Variants in TMEM132D observed in about 807,000 individuals in gnomAD.
TMEM132D encodes the protein mature OL transmembrane protein.
In TMEM132D, 21 loss-of-function variants were observed where a neutral mutation model predicts 62.3. The observed-to-expected ratio is 0.34, with a 90% CI of 0.24 to 0.49. The LOEUF (loss-of-function observed/expected upper bound fraction) is 0.49. TMEM132D is among the 20% of genes least tolerant of loss of function. TMEM132D has a pLI of 0.99. For missense variants in TMEM132D, 1,346 were observed against 1,402.8 expected, an observed-to-expected ratio of 0.96 and a Z score of 0.65; for synonymous variants, 621 against 575.6, an observed-to-expected ratio of 1.08 and a Z score of -1.13.
chr12:129,742,860 G>A (rs1869652638), intron 1 of TMEM132D, among the ~76,000 whole-genome samples: 1 of 152,218 alleles, frequency 6.6e-6, no homozygotes, highest in Admixed American at 6.5e-5. Flanking sequence ...GCACTGGAAT[G>A]CAAGAATTTC....
In TMEM132D at chr12:129,337,666, T is replaced by C. The variant is rs1869336936; in HGVS notation, c.1267A>G (p.Lys423Glu). Residue 423 changes from lysine (K) to glutamate (E), a missense_variant, in exon 4 of 9, where the codon AAG (lysine) becomes GAG (glutamate). Coordinates refer to ENST00000422113, the MANE Select transcript of TMEM132D (RefSeq NM_133448.3). ...LGVSKIYVSP[K>E]DLIGVVPLAM... ...AGCGGCACAACTCCAATCAAGTCCT[T>C]TGGGCTCACATAGATCTTGGACACT... The C allele has an allele frequency of 6.2e-7, 1 of 1,613,958 alleles. No individual in the cohort carries two copies. Among genetic ancestry groups the C allele is most frequent in the African/African-American group, 1.3e-5 (1 of 74,924 alleles).
At position 129,582,302 on chromosome 12, in the gene TMEM132D, T is replaced by C. The variant is rs141743069; in HGVS notation, c.969-51097A>G. Among the ~76,000 whole-genome samples the C allele has an allele frequency of 7.8e-3, 1,190 of 152,346 alleles. 14 individuals carry two copies. Among genetic ancestry groups the C allele is most frequent in the African/African-American group, 0.026 (1,078 of 41,580 alleles). On this transcript the variant is annotated intron_variant, in intron 2 of 8. Transcript: ENST00000422113. ...TTGGGTATTTGGCTTGTTTCTGTTT[T>C]AATCAGCCATGCTGCAGTGGAACTC...
intron 2 of TMEM132D, among the ~76,000 whole-genome samples, chr12:129,684,177 C>T (rs1359378260): frequency 1.3e-5 from 2 of 152,116 alleles, no homozygotes; most frequent in South Asian, 2.1e-4. Flanking sequence ...TCTGTGTCCC[C>T]ACCCAAATCT....
At chr12:129,226,878 A>G (rs558979788) in intron 4 of TMEM132D, among the ~76,000 whole-genome samples, 14 of 152,258 alleles carry the variant, frequency 9.2e-5, no homozygotes, top group Middle Eastern at 6.8e-3. Context: ...GTCACCCCAC[A>G]ACCCCTGCTG....
At chr12:129,626,864 A>G (rs1439078579) in intron 2 of TMEM132D, among the ~76,000 whole-genome samples, 2 of 152,186 alleles carry the variant, frequency 1.3e-5, no homozygotes, top group Admixed American at 6.5e-5. Context: ...TTCTGGAACT[A>G]AAAGAGCAGT....
At chr12:129,194,290 T>C (rs1438706318) in intron 5 of TMEM132D, among the ~76,000 whole-genome samples, 2 of 152,258 alleles carry the variant, frequency 1.3e-5, no homozygotes, top group Admixed American at 6.5e-5. Flanking sequence ...ATTCTCACCA[T>C]AGGTTTACTC....
intron 1 of TMEM132D, among the ~76,000 whole-genome samples, chr12:129,770,343 C>A (rs776651741): frequency 6.6e-6 from 1 of 151,970 alleles, no homozygotes; most frequent in African/African-American, 2.4e-5. Context: ...TGGGTTTCAC[C>A]GTGTTGGCCA....
intron 2 of TMEM132D, among the ~76,000 whole-genome samples, chr12:129,697,926 A>G (rs7135928): frequency 0.54 from 81,159 of 150,990 alleles, 22,323 homozygotes; most frequent in East Asian, 0.67. Flanking sequence ...CACACACACA[A>G]GCTGCATGTG....
chr12:129,610,403 C>T (rs1368809777), intron 2 of TMEM132D, among the ~76,000 whole-genome samples: 1 of 152,160 alleles, frequency 6.6e-6, no homozygotes, highest in Non-Finnish European at 1.5e-5. Flanking sequence ...CCCTAAATAG[C>T]TTCAACAACT....
chr12:129,104,769 G>A (rs1875432704), intron 5 of TMEM132D, among the ~76,000 whole-genome samples: 2 of 149,980 alleles, frequency 1.3e-5, no homozygotes, highest in Admixed American at 1.3e-4. Flanking sequence ...AGACATTTAT[G>A]CAGCCAAAAA....
At chr12:129,493,848 A>C (rs1874870211) in intron 3 of TMEM132D, among the ~76,000 whole-genome samples, 1 of 152,232 alleles carries the variant, frequency 6.6e-6, no homozygotes, top group Admixed American at 6.5e-5. Flanking sequence ...TTGGGGATCT[A>C]TAAATAATCC....
intron 5 of TMEM132D, among the ~76,000 whole-genome samples, chr12:129,114,608 T>C (rs1875835091): frequency 6.6e-6 from 1 of 152,216 alleles, no homozygotes; most frequent in African/African-American, 2.4e-5. Context: ...ACTTACTTCA[T>C]GCAGACCCAC....
At chr12:129,269,723 C>T (rs1593317819) in intron 4 of TMEM132D, among the ~76,000 whole-genome samples, 1 of 152,266 alleles carries the variant, frequency 6.6e-6, no homozygotes, top group East Asian at 1.9e-4. Context: ...TGCTTTGTTC[C>T]TGCCTGTTCC....
At chr12:129,552,490 A>C (rs1876927301) in intron 2 of TMEM132D, among the ~76,000 whole-genome samples, 1 of 151,626 alleles carries the variant, frequency 6.6e-6, no homozygotes, top group Non-Finnish European at 1.5e-5. Flanking sequence ...ATCTCTCTAC[A>C]TTATCATCTA....
chr12:129,846,957 C>T (rs1873382317), intron 1 of TMEM132D, among the ~76,000 whole-genome samples: 1 of 152,062 alleles, frequency 6.6e-6, no homozygotes, highest in Non-Finnish European at 1.5e-5. Flanking sequence ...TTCTTGTATG[C>T]CTGGGAAACT....
In TMEM132D at chr12:129,095,033, G is replaced by A. The variant is rs557232749; in HGVS notation, c.1444-10331C>T. On this transcript the variant is annotated intron_variant, in intron 5 of 8. Transcript: ENST00000422113. ...AACATCACACACCAGGGCCTGTCGT[G>A]GGGTCGGGGGAGGGGGGAAGGATAG... Among the ~76,000 whole-genome samples, 8 of 149,942 alleles carry A rather than the reference G, an allele frequency of 5.3e-5. No individual in the cohort carries two copies. In the East Asian group the frequency reaches 1.4e-3, roughly 26 times the overall value.
Position 129,632,217 on chromosome 12 carries a change from C to T in TMEM132D, c.968+67593G>A, listed in dbSNP as rs549039502. ...GTAAGCGGAGAAGCTGAGCCTGAGC[C>T]GTGTGTATATATAATCATGCCTCGG... On this transcript the variant is annotated intron_variant, in intron 2 of 8. Coordinates refer to ENST00000422113, the MANE Select transcript of TMEM132D (RefSeq NM_133448.3). Among the ~76,000 whole-genome samples, 7 of 152,136 alleles carry T rather than the reference C, an allele frequency of 4.6e-5. No individual in the cohort carries two copies. The South Asian group carries it at 8.3e-4, about 18-fold the overall frequency.
intron 1 of TMEM132D, among the ~76,000 whole-genome samples, chr12:129,755,258 C>T (rs893025542): frequency 2.6e-5 from 4 of 152,206 alleles, no homozygotes; most frequent in Non-Finnish European, 5.9e-5. Context: ...AAGTATCTAC[C>T]TCTCCAAAGG....
At chr12:129,135,983 G>T (rs886726678) in intron 5 of TMEM132D, among the ~76,000 whole-genome samples, 2 of 152,088 alleles carry the variant, frequency 1.3e-5, no homozygotes, top group Non-Finnish European at 2.9e-5. Flanking sequence ...CTCAAATATG[G>T]TCACATTCTA....
Sources: gnomAD v4.1 joint callset for allele counts (sites outside exome capture counted in the v4.1 genomes callset) on GRCh38, gnomAD v4.1.1 for gene constraint, MANE v1.5 for transcripts, NCBI Gene and HGNC (gene_info 2026-07-23, HGNC 2026-07-21) for gene names.